PPP4R1: variants seen among roughly 807,000 people sequenced by gnomAD.
The protein encoded by PPP4R1 is serine/threonine-protein phosphatase 4 regulatory subunit 1.
PPP4R1 carries 42 observed loss-of-function variants against 111.2 expected under a neutral mutation model. That is an observed-to-expected ratio of 0.38 (90% CI 0.29 to 0.49). The LOEUF (loss-of-function observed/expected upper bound fraction) is 0.49. PPP4R1 is among the 20% of genes least tolerant of loss of function. PPP4R1 has a pLI of 0.97. For synonymous variants in PPP4R1, 409 were observed against 405.5 expected, an observed-to-expected ratio of 1.01 and a Z score of -0.10; for missense variants, 1,012 against 1,161.6, an observed-to-expected ratio of 0.87 and a Z score of 1.87.
rs186692352 is a variant in PPP4R1 at position 9,563,721 on chromosome 18, G to A, written c.1574-171C>T. 2,288 of 500,372 alleles carry A rather than the reference G, an allele frequency of 4.6e-3. 16 individuals carry two copies. Among genetic ancestry groups the A allele is most frequent in the Middle Eastern group, 0.014 (29 of 2,048 alleles). The allele number at this position is 500,372 out of a possible 1,614,324, so 31.0% of individuals were successfully genotyped here. ...GTGGTAAATCATTAGTCCTTCAAGA[G>A]AAAAAGTAGAAAACTAATATGCTTT... is the stretch of plus-strand genomic sequence containing the variant. On this transcript the variant is annotated intron_variant, in intron 11 of 19. Coordinates refer to ENST00000400556, the MANE Select transcript of PPP4R1 (RefSeq NM_001042388.3).
At chr18:9,579,124 C>A (rs1016932329) in intron 9 of PPP4R1, among the ~76,000 whole-genome samples, 1 of 152,154 alleles carries the variant, frequency 6.6e-6, no homozygotes, top group Non-Finnish European at 1.5e-5. Flanking sequence ...CCTATAGTTA[C>A]AATGAAATCA....
chr18:9,583,205 A>G lies in PPP4R1; in HGVS notation c.830T>C (p.Met277Thr). 2 of 1,611,698 alleles carry G rather than the reference A, an allele frequency of 1.2e-6. No homozygotes were observed. The highest frequency in any genetic ancestry group is 2.7e-5 in the African/African-American group (2 of 75,036). The stretch of plus-strand genomic sequence containing the variant: ...TTGACATGTTGCACATGAAACCGCC[A>G]TGAAGCATTCAGCACAAGCCTTTCG... ...GVRKACAECF[M>T]AVSCATCQEI... The change falls in exon 9 of 20, where the codon ATG becomes ACG. Residue 277 changes from methionine (M) to threonine (T), a missense_variant. By Grantham distance (81) the Met-to-Thr change is moderately conservative. Coordinates refer to ENST00000400556, the MANE Select transcript of PPP4R1 (RefSeq NM_001042388.3).
chr18:9,601,641 C>T (rs1476929222), intron 2 of PPP4R1, among the ~76,000 whole-genome samples: 1 of 152,126 alleles, frequency 6.6e-6, no homozygotes, highest in East Asian at 1.9e-4. Context: ...TACAGGCAGG[C>T]GCCACAACAC....
intron 15 of PPP4R1, among the ~76,000 whole-genome samples, chr18:9,555,586 T>C (rs769274917): frequency 2.6e-5 from 4 of 152,176 alleles, no homozygotes; most frequent in Non-Finnish European, 4.4e-5. Flanking sequence ...TTAGCCCTGA[T>C]GTGGCACATT....
chr18:9,579,011 TCA>T (rs2066983577), intron 9 of PPP4R1, among the ~76,000 whole-genome samples: 1 of 152,178 alleles, frequency 6.6e-6, no homozygotes, highest in South Asian at 2.1e-4. Flanking sequence ...AGGAGAGAGA[TCA>T]CAGTGTCTAA....
At chr18:9,553,068 A>G (rs1279846987) in intron 16 of PPP4R1, among the ~76,000 whole-genome samples, 3 of 152,242 alleles carry the variant, frequency 2.0e-5, no homozygotes, top group Admixed American at 2.0e-4. Flanking sequence ...AATGTCATCA[A>G]CAGCAAATTT....
Position 9,563,514 on chromosome 18 carries a change from G to A in PPP4R1, c.1610C>T (p.Ser537Phe). 1 of 1,608,184 alleles carries A rather than the reference G, an allele frequency of 6.2e-7. No individual in the cohort carries two copies. The highest frequency in any genetic ancestry group is 2.2e-5 in the East Asian group (1 of 44,828). ...GGTCTCTTCATGTGCATCCAGGCTG[G>A]AAGCACGTAGTGCAGCGGACAGCAC... ...VEVLSAALRA[S>F]SLDAHEETIS... is the part of the protein sequence containing the mutation. Residue 537 changes from serine to phenylalanine, a missense_variant, in exon 12 of 20, where the codon TCC becomes TTC. Transcript: ENST00000400556.
At chr18:9,603,536 G>C (rs997365249) in intron 2 of PPP4R1, among the ~76,000 whole-genome samples, 1 of 152,066 alleles carries the variant, frequency 6.6e-6, no homozygotes, top group African/African-American at 2.4e-5. Context: ...TTTTGAGAGA[G>C]AGTCTCATGT....
At chr18:9,594,907 G>C in intron 3 of PPP4R1, 111 bp downstream of exon 3, 1 of 1,304,720 alleles carries the variant, frequency 7.7e-7, no homozygotes, top group Admixed American at 2.1e-5. Flanking sequence ...TGGTGACTCA[G>C]ATTGTGCCTG....
At chr18:9,549,873 G>A in intron 18 of PPP4R1, 179 bp downstream of exon 18, 2 of 883,838 alleles carry the variant, frequency 2.3e-6, no homozygotes, top group Non-Finnish European at 3.4e-6. Context: ...TTGGCTAGCT[G>A]GGAGAGAGGG....
intron 2 of PPP4R1, among the ~76,000 whole-genome samples, chr18:9,604,503 A>G (rs2067445764): frequency 6.6e-6 from 1 of 152,076 alleles, no homozygotes; most frequent in Non-Finnish European, 1.5e-5. Context: ...GCCCATGTGG[A>G]GTCAATTTGC....
At chr18:9,561,258 T>C (rs1014280119) in intron 13 of PPP4R1, among the ~76,000 whole-genome samples, 1 of 139,730 alleles carries the variant, frequency 7.2e-6, no homozygotes, top group Non-Finnish European at 1.6e-5. Context: ...ATAATAATAA[T>C]AATAAAGTCA....
intron 15 of PPP4R1, among the ~76,000 whole-genome samples, chr18:9,554,090 C>T (rs191122290): frequency 1.3e-5 from 2 of 151,146 alleles, no homozygotes; most frequent in African/African-American, 4.9e-5. Flanking sequence ...AATTCTGAAA[C>T]TATTTCATTT....
In PPP4R1 at chr18:9,570,449, A is replaced by G. The variant is rs1473097194; in HGVS notation, c.1281T>C (p.Pro427=). 1.2e-6 allele frequency: 2 copies of G among 1,614,208 alleles called. No homozygotes were observed. Among genetic ancestry groups the G allele is most frequent in the Admixed American group, 3.3e-5 (2 of 60,026 alleles). The change falls in exon 11 of 20, where the codon CCT becomes CCC. Residue 427 remains proline (P), a synonymous_variant. Coordinates refer to ENST00000400556, the MANE Select transcript of PPP4R1 (RefSeq NM_001042388.3). ...EAASNENDKK[P]GNYKSMLRPE... is the part of the protein sequence containing the mutation. Reference sequence around the variant, plus strand: ...GTCGTAACATAGATTTGTAGTTACCAGGTTTTTTATCATTCTCATTACTAG... The same window carrying G: ...GTCGTAACATAGATTTGTAGTTACCGGGTTTTTTATCATTCTCATTACTAG...
chr18:9,589,632 G>A (rs972283219), intron 4 of PPP4R1, among the ~76,000 whole-genome samples: 2 of 151,776 alleles, frequency 1.3e-5, no homozygotes, highest in Admixed American at 1.3e-4. Context: ...TTATAGGCTG[G>A]GTGTGCCTGT....
chr18:9,575,244 A>C (rs892859216), intron 10 of PPP4R1, among the ~76,000 whole-genome samples: 1 of 152,230 alleles, frequency 6.6e-6, no homozygotes, highest in African/African-American at 2.4e-5. Flanking sequence ...ACGAAGTTCT[A>C]TCTTTCCATT....
rs560819532 is a variant in PPP4R1, at chr18:9,584,707, C to T, written c.693+14G>A. 10 of 1,611,252 alleles carry T rather than the reference C, an allele frequency of 6.2e-6. No homozygotes were observed. In the East Asian group the frequency reaches 6.7e-5, roughly 11 times the overall value. ...ATGTTCTTAAACAGCAGAAAAAAAA[C>T]GACAAAAAAATACCTTTCGAACGTG... On this transcript the variant is annotated intron_variant, in intron 7 of 19. Transcript: ENST00000400556.
chr18:9,568,393 G>A (rs1444344748), intron 11 of PPP4R1, among the ~76,000 whole-genome samples: 4 of 152,124 alleles, frequency 2.6e-5, no homozygotes, highest in African/African-American at 4.8e-5. Context: ...CAGTGGTTTG[G>A]AACTGAACCA....
Position 9,555,911 on chromosome 18 carries a change from C to T in PPP4R1, c.2190+1310G>A, listed in dbSNP as rs181513944. On this transcript the variant is annotated intron_variant, in intron 15 of 19. Transcript: ENST00000400556. ...CAGCACTTTGGGAGGCCAAGGTGGGCGGATCACAAGATCAGGAGATCAAGA... is the reference window on the plus strand; with the variant it reads ...CAGCACTTTGGGAGGCCAAGGTGGGTGGATCACAAGATCAGGAGATCAAGA... Among the ~76,000 whole-genome samples, 546 of 151,764 alleles carry T rather than the reference C, an allele frequency of 3.6e-3. 2 individuals are homozygous for T. Among genetic ancestry groups the T allele is most frequent in the African/African-American group, 8.0e-3 (329 of 41,350 alleles).
Sources: allele counts gnomAD v4.1 joint callset (sites outside exome capture counted in the v4.1 genomes callset), GRCh38; gene constraint gnomAD v4.1.1; transcripts MANE v1.5; gene names NCBI Gene and HGNC (gene_info 2026-07-23, HGNC 2026-07-21).